CNTNAP2: variants seen among roughly 807,000 people sequenced by gnomAD.
The protein encoded by CNTNAP2 is contactin-associated protein-like 2.
In CNTNAP2, 98 loss-of-function variants were observed where a neutral mutation model predicts 155.2. The observed-to-expected ratio is 0.63, with a 90% CI of 0.54 to 0.75. The LOEUF (loss-of-function observed/expected upper bound fraction) is 0.75. Among genes scored for constraint, CNTNAP2 ranks in the 30% least tolerant of loss-of-function variants. The pLI, the probability that CNTNAP2 is intolerant of heterozygous loss-of-function variation, is 0.00. For synonymous variants in CNTNAP2, 651 were observed against 631.2 expected, an observed-to-expected ratio of 1.03 and a Z score of -0.47; for missense variants, 1,727 against 1,688.1, an observed-to-expected ratio of 1.02 and a Z score of -0.40.
chr7:147,296,429 G>A (rs1314226555), intron 8 of CNTNAP2, among the ~76,000 whole-genome samples: 1 of 152,192 alleles, frequency 6.6e-6, no homozygotes, highest in African/African-American at 2.4e-5. Context: ...TTAACTTCAA[G>A]AATAAGCCTT....
chr7:147,349,468 G>A (rs891639890), intron 9 of CNTNAP2, among the ~76,000 whole-genome samples: 1 of 151,754 alleles, frequency 6.6e-6, no homozygotes, highest in Non-Finnish European at 1.5e-5. Context: ...TGACATAGGT[G>A]CCTGCTATTT....
chr7:147,943,981 C>T (rs1800775480), intron 14 of CNTNAP2, among the ~76,000 whole-genome samples: 1 of 151,948 alleles, frequency 6.6e-6, no homozygotes, highest in African/African-American at 2.4e-5. Context: ...TCAACTGTAC[C>T]CCAGTATATC....
At chr7:146,422,014 T>C (rs1356769434) in intron 1 of CNTNAP2, among the ~76,000 whole-genome samples, 1 of 151,924 alleles carries the variant, frequency 6.6e-6, no homozygotes, top group African/African-American at 2.4e-5. Flanking sequence ...TCAACAAAAG[T>C]GATACCAGTG....
intron 1 of CNTNAP2, among the ~76,000 whole-genome samples, chr7:146,546,163 A>G (rs1428591379): frequency 6.6e-6 from 1 of 151,874 alleles, no homozygotes; most frequent in African/African-American, 2.4e-5. Flanking sequence ...TGGTATGTGT[A>G]TTTGTGTGTG....
chr7:147,444,934 G>C (rs918181029), intron 10 of CNTNAP2, among the ~76,000 whole-genome samples: 21 of 152,110 alleles, frequency 1.4e-4, no homozygotes, highest in African/African-American at 5.1e-4. Context: ...ATGGTGGAAG[G>C]GTAAAAGGGA....
intron 12 of CNTNAP2, among the ~76,000 whole-genome samples, chr7:147,594,566 T>C (rs1800794461): frequency 6.6e-6 from 1 of 152,222 alleles, no homozygotes; most frequent in Non-Finnish European, 1.5e-5. Context: ...TGAAATACTA[T>C]CTGATCTGCT....
At chr7:146,278,940 T>C (rs1800206646) in intron 1 of CNTNAP2, among the ~76,000 whole-genome samples, 1 of 152,182 alleles carries the variant, frequency 6.6e-6, no homozygotes, top group Non-Finnish European at 1.5e-5. Context: ...ATTAAGAAGT[T>C]GGTAGCCCTC....
At chr7:146,703,201 A>G (rs895442438) in intron 1 of CNTNAP2, among the ~76,000 whole-genome samples, 1 of 152,160 alleles carries the variant, frequency 6.6e-6, no homozygotes, top group African/African-American at 2.4e-5. Context: ...TTTCAGCTCT[A>G]CTGACAAATC....
intron 10 of CNTNAP2, among the ~76,000 whole-genome samples, chr7:147,440,708 C>A (rs939969190): frequency 6.6e-6 from 1 of 152,042 alleles, no homozygotes; most frequent in Non-Finnish European, 1.5e-5. Context: ...TTCTTCTTCA[C>A]GTTCGAAGGA....
chr7:146,370,281 A>G (rs1294142895), intron 1 of CNTNAP2, among the ~76,000 whole-genome samples: 1 of 145,186 alleles, frequency 6.9e-6, no homozygotes, highest in Non-Finnish European at 1.5e-5. Flanking sequence ...AAAAAAAAAA[A>G]AAAAAAAATT....
intron 12 of CNTNAP2, among the ~76,000 whole-genome samples, chr7:147,612,805 G>T (rs1272842544): frequency 6.6e-6 from 1 of 152,084 alleles, no homozygotes; most frequent in African/African-American, 2.4e-5. Context: ...TGCATTAAAT[G>T]CTCCTCTTAC....
At chr7:146,907,252 C>T (rs1434610625) in intron 3 of CNTNAP2, among the ~76,000 whole-genome samples, 1 of 148,114 alleles carries the variant, frequency 6.8e-6, no homozygotes, top group Non-Finnish European at 1.5e-5. Context: ...GAGAACTTCC[C>T]CAATCTAGCA....
At chr7:148,339,078 A>G (rs938877213) in intron 21 of CNTNAP2, among the ~76,000 whole-genome samples, 8 of 152,172 alleles carry the variant, frequency 5.3e-5, no homozygotes, top group African/African-American at 1.9e-4. Context: ...CAAGCACAGT[A>G]ACCCTTTCCA....
At chr7:148,011,110 C>A (rs1802073582) in intron 15 of CNTNAP2, among the ~76,000 whole-genome samples, 2 of 151,988 alleles carry the variant, frequency 1.3e-5, no homozygotes, top group Non-Finnish European at 2.9e-5. Context: ...CATCCATTTA[C>A]AATGTAAAAG....
At chr7:147,855,310 T>A (rs1280973704) in intron 13 of CNTNAP2, among the ~76,000 whole-genome samples, 1 of 152,182 alleles carries the variant, frequency 6.6e-6, no homozygotes, top group African/African-American at 2.4e-5. Context: ...GCATGACTTC[T>A]GAGCCTGAAC....
intron 12 of CNTNAP2, among the ~76,000 whole-genome samples, chr7:147,582,550 A>G (rs1800523466): frequency 6.6e-6 from 1 of 152,184 alleles, no homozygotes. Context: ...TCTATCTACA[A>G]AACATTCTGG....
Position 146,314,811 on chromosome 7 carries a change from C to T in CNTNAP2, c.97+197838C>T, listed in dbSNP as rs553257600. ...CAGTCCTGCTTGAGCATTCAGAAGA[C>T]GCCCTCCCTCATAGCAGGGGAGACT... On this transcript the variant is annotated intron_variant, in intron 1 of 23. Coordinates refer to ENST00000361727, the MANE Select transcript of CNTNAP2 (RefSeq NM_014141.6). Among the ~76,000 whole-genome samples the T allele has an allele frequency of 2.6e-4, 40 of 152,224 alleles. 1 individual carries two copies. Among genetic ancestry groups the T allele is most frequent in the Non-Finnish European group, 4.0e-4 (27 of 68,020 alleles).
At chr7:146,905,848 T>C (rs1434792623) in intron 3 of CNTNAP2, among the ~76,000 whole-genome samples, 1 of 152,196 alleles carries the variant, frequency 6.6e-6, no homozygotes, top group Non-Finnish European at 1.5e-5. Context: ...GCGTGAGCGA[T>C]GCAGAAGATG....
intron 1 of CNTNAP2, among the ~76,000 whole-genome samples, chr7:146,577,392 T>G (rs1055554991): frequency 8.5e-5 from 13 of 152,104 alleles, no homozygotes; most frequent in Non-Finnish European, 1.6e-4. Context: ...AAAAATCTAA[T>G]TTTTATTTTT....
Sources: allele counts gnomAD v4.1 joint callset (sites outside exome capture counted in the v4.1 genomes callset), GRCh38; gene constraint gnomAD v4.1.1; transcripts MANE v1.5; gene names NCBI Gene and HGNC (gene_info 2026-07-23, HGNC 2026-07-21).